The following RAB7B variants were observed in gnomAD, a reference collection of about 807,000 sequenced individuals.
RAB7B encodes ras-related protein Rab-7b.
intron 1 of RAB7B, 76 bp from the exon 2 acceptor site, chr1:205,994,227 T>G (rs1660772778): frequency 2.5e-6 from 1 of 397,564 alleles, no homozygotes; most frequent in African/African-American, 2.1e-5. Context: ...GGCCTCTGCT[T>G]TCCCCTTTCC....
At chr1:205,983,109 G>A (rs1025337869) in intron 5 of RAB7B, among the ~76,000 whole-genome samples, 53 of 152,112 alleles carry the variant, frequency 3.5e-4, no homozygotes, top group Non-Finnish European at 1.3e-4. Context: ...ACTCCTAGTC[G>A]GGGTTCACGA....
chr1:206,000,525 G>T (rs1231814635), intron 1 of RAB7B, among the ~76,000 whole-genome samples: 2 of 152,206 alleles, frequency 1.3e-5, no homozygotes, highest in African/African-American at 4.8e-5. Context: ...CTGAACCTTG[G>T]GGCGTCTGTT....
At chr1:205,992,869 C>T (rs963923996) in intron 3 of RAB7B, among the ~76,000 whole-genome samples, 174 bp from the exon 4 acceptor site, 1 of 152,230 alleles carries the variant, frequency 6.6e-6, no homozygotes, top group African/African-American at 2.4e-5. Flanking sequence ...ACATACACTC[C>T]AGCACCTTTG....
intron 1 of RAB7B, among the ~76,000 whole-genome samples, chr1:205,998,352 T>C (rs1437381351): frequency 6.6e-6 from 1 of 152,046 alleles, no homozygotes; most frequent in East Asian, 1.9e-4. Context: ...CAAGACTCGG[T>C]CTCAAACAAA....
intron 1 of RAB7B, among the ~76,000 whole-genome samples, chr1:205,997,199 C>T (rs1037298915): frequency 3.9e-5 from 6 of 152,256 alleles, no homozygotes; most frequent in South Asian, 2.1e-4. Context: ...ACATGCCTAC[C>T]ACATGCAAAG....
intron 4 of RAB7B, among the ~76,000 whole-genome samples, chr1:205,986,837 C>T (rs1329926552): frequency 5.9e-5 from 9 of 152,082 alleles, no homozygotes; most frequent in African/African-American, 2.2e-4. Flanking sequence ...GACCATTCCA[C>T]CCCTCTCCCA....
intron 1 of RAB7B, among the ~76,000 whole-genome samples, chr1:205,996,478 C>G (rs1660814664): frequency 6.6e-6 from 1 of 152,156 alleles, no homozygotes; most frequent in Non-Finnish European, 1.5e-5. Context: ...TGAGTCTTGG[C>G]TTTCCAACTG....
chr1:205,996,855 C>T (rs1282524043), intron 1 of RAB7B, among the ~76,000 whole-genome samples: 1 of 151,944 alleles, frequency 6.6e-6, no homozygotes, highest in African/African-American at 2.4e-5. Context: ...TGAGGAAAAG[C>T]CCCTTATAAA....
chr1:205,992,814 G>A (rs1660748567), intron 3 of RAB7B, 119 bp from the exon 4 acceptor site: 1 of 397,472 alleles, frequency 2.5e-6, no homozygotes, highest in South Asian at 1.4e-4. Context: ...CCTGGTACAG[G>A]TGCATATGGT....
intron 4 of RAB7B, among the ~76,000 whole-genome samples, chr1:205,989,099 T>G (rs1299946753): frequency 6.6e-6 from 1 of 151,808 alleles, no homozygotes; most frequent in East Asian, 1.9e-4. Context: ...TGGGCCTACC[T>G]TGTTGAGAGA....
At chr1:205,997,457 G>T (rs941513836) in intron 1 of RAB7B, among the ~76,000 whole-genome samples, 196 of 152,308 alleles carry the variant, frequency 1.3e-3, no homozygotes, top group African/African-American at 3.9e-3. Context: ...GAAAGTGGGC[G>T]ATTTGCTTCA....
chr1:205,993,907 T>A (rs1190787244), intron 2 of RAB7B, among the ~76,000 whole-genome samples, 176 bp downstream of exon 2: 2 of 152,182 alleles, frequency 1.3e-5, no homozygotes, highest in African/African-American at 4.8e-5. Context: ...CTGGAAACCA[T>A]CTGTTTACAT....
chr1:206,001,955 G>A (rs1660899593), intron 1 of RAB7B, among the ~76,000 whole-genome samples: 2 of 152,110 alleles, frequency 1.3e-5, no homozygotes, highest in Non-Finnish European at 2.9e-5. Flanking sequence ...CATTGGGTGG[G>A]GTATCACTTC....
At position 205,977,618 on chromosome 1, in the gene RAB7B, A is replaced by T. The variant is rs1660407558; in HGVS notation, c.*1233T>A. On this transcript the variant is annotated 3_prime_UTR_variant, in exon 6 of 6. Coordinates refer to ENST00000617070, the MANE Select transcript of RAB7B (RefSeq NM_001164522.3). ...AGAGCATCTAGGAGCCACCCAAGGG[A>T]GCTGGGTCCCCTTTGCTTTGTCTTT... is the stretch of plus-strand genomic sequence containing the variant. The T allele has an allele frequency of 6.6e-6, 1 of 152,168 alleles. No homozygotes were observed. Among genetic ancestry groups the T allele is most frequent in the South Asian group, 2.1e-4 (1 of 4,806 alleles). The allele number at this position is 152,168 out of a possible 1,614,324, so 9.4% of individuals were successfully genotyped here.
intron 1 of RAB7B, among the ~76,000 whole-genome samples, chr1:205,997,745 T>C (rs1421523930): frequency 6.6e-6 from 1 of 152,220 alleles, no homozygotes; most frequent in African/African-American, 2.4e-5. Context: ...AAGTATTTGT[T>C]ATCACTTTGG....
At chr1:206,003,075 C>T (rs1660914142) in intron 1 of RAB7B, among the ~76,000 whole-genome samples, 178 bp downstream of exon 1, 1 of 152,214 alleles carries the variant, frequency 6.6e-6, no homozygotes, top group Admixed American at 6.5e-5. Context: ...TTCTTGCTGC[C>T]ACACCCTGGG....
chr1:205,980,201 C>T (rs1180831295), intron 5 of RAB7B, among the ~76,000 whole-genome samples: 2 of 152,230 alleles, frequency 1.3e-5, no homozygotes, highest in Admixed American at 1.3e-4. Flanking sequence ...CTCTCACCCC[C>T]CACCCTGGTA....
chr1:205,983,585 G>A (rs1017922863), intron 5 of RAB7B, among the ~76,000 whole-genome samples: 11 of 152,246 alleles, frequency 7.2e-5, no homozygotes, highest in Admixed American at 5.9e-4. Context: ...TTATAGAGAG[G>A]AAATGGAAGC....
chr1:205,983,908 A>C (rs1010388555), intron 5 of RAB7B: 2 of 152,242 alleles, frequency 1.3e-5, no homozygotes, highest in Admixed American at 1.3e-4. Flanking sequence ...AGAATAAAGG[A>C]TACTCCTTCC....
Sources: allele counts gnomAD v4.1 joint callset (sites outside exome capture counted in the v4.1 genomes callset), GRCh38; gene constraint gnomAD v4.1.1; transcripts MANE v1.5; gene names NCBI Gene and HGNC (gene_info 2026-07-23, HGNC 2026-07-21).